The following CERS4 variants were observed in gnomAD, a reference collection of about 807,000 sequenced individuals.
The protein encoded by CERS4 is LAG1 homolog, ceramide synthase 4.
A neutral mutation model predicts 51.8 loss-of-function variants in CERS4; 65 were observed. The ratio of observed to expected loss-of-function variants is 1.26; its 90% confidence interval spans 1.03 to 1.54. The LOEUF is 1.54. Ranked by LOEUF, CERS4 falls within the 40% of genes most tolerant of loss-of-function variation. The probability of loss-of-function intolerance (pLI) is 0.00; values close to 1 mark genes in which losing one functional copy is unlikely to be tolerated. For missense variants in CERS4, 563 were observed against 500.4 expected (o/e 1.13, Z -1.19); for synonymous variants, 228 against 208.4 (o/e 1.09, Z -0.81).
intron 2 of CERS4, among the ~76,000 whole-genome samples, chr19:8,243,716 T>C (rs944097108): frequency 2.0e-5 from 3 of 151,532 alleles, no homozygotes; most frequent in Admixed American, 2.0e-4. Context: ...ATTCCATCCA[T>C]CTTCATGGAT....
chr19:8,251,261 C>T lies in CERS4; in HGVS notation c.173+12C>T. 1.3e-6 allele frequency: 2 copies of T among 1,576,042 alleles called. No individual in the cohort carries two copies. Among genetic ancestry groups the T allele is most frequent in the Non-Finnish European group, 1.7e-6 (2 of 1,162,008 alleles). ...CTTGCCTTTGAGAGGTGAGTGTCTG[C>T]CCTGCCGCAATCCATTGCCCCCGCA... is the stretch of plus-strand genomic sequence containing the variant. On this transcript the variant is annotated intron_variant, in intron 3 of 11. Transcript: ENST00000251363.
rs1203085415 is a variant in CERS4 at position 8,254,313 on chromosome 19, ACT to A, written c.174-183_174-182del. 5.7e-5 allele frequency among the ~76,000 whole-genome samples: 5 copies of A among 87,518 alleles called. No homozygotes were observed. The South Asian group carries it at 1.5e-3, about 27-fold the overall frequency. The allele number at this position is 87,518 out of a possible 152,430, so 57.4% of individuals were successfully genotyped here. ...ACTCCAGCCTGGGTGACAGTGCAAT[ACT>A]CTGTCTCAAAAAAAAAAAAAAAAAA... is the stretch of plus-strand genomic sequence containing the variant. On this transcript the variant is annotated intron_variant, in intron 3 of 11. Coordinates refer to ENST00000251363, the MANE Select transcript of CERS4 (RefSeq NM_024552.3).
At chr19:8,227,377 G>A (rs1228361620) in intron 2 of CERS4, among the ~76,000 whole-genome samples, 1 of 151,908 alleles carries the variant, frequency 6.6e-6, no homozygotes, top group East Asian at 1.9e-4. Context: ...TGTCACCCAG[G>A]CTGGAGTGCA....
intron 2 of CERS4, among the ~76,000 whole-genome samples, chr19:8,231,290 T>C (rs952519664): frequency 6.6e-6 from 1 of 152,182 alleles, no homozygotes; most frequent in African/African-American, 2.4e-5. Flanking sequence ...TTGTAGAGTC[T>C]CTGGATTCTG....
intron 2 of CERS4, among the ~76,000 whole-genome samples, chr19:8,232,121 C>T (rs1968038397): frequency 6.6e-6 from 1 of 151,634 alleles, no homozygotes; most frequent in African/African-American, 2.4e-5. Flanking sequence ...TGAGTTACGA[C>T]ACCCGGCCCT....
At chr19:8,257,312 C>T (rs1969447539) in intron 9 of CERS4, among the ~76,000 whole-genome samples, 1 of 152,140 alleles carries the variant, frequency 6.6e-6, no homozygotes, top group African/African-American at 2.4e-5. Flanking sequence ...GCAGAGGCCC[C>T]CGCCTTCTCA....
intron 2 of CERS4, among the ~76,000 whole-genome samples, chr19:8,237,814 G>A (rs1299831630): frequency 6.6e-6 from 1 of 152,144 alleles, no homozygotes; most frequent in Non-Finnish European, 1.5e-5. Context: ...TTGCGCCACT[G>A]CACACCAGCC....
intron 9 of CERS4, among the ~76,000 whole-genome samples, 195 bp from the exon 10 acceptor site, chr19:8,257,684 C>G (rs554358908): frequency 6.6e-6 from 1 of 152,338 alleles, no homozygotes; most frequent in African/African-American, 2.4e-5. Flanking sequence ...CCTGCCTCAG[C>G]CTCCCAAAGT....
intron 9 of CERS4, 59 bp from the exon 10 acceptor site, chr19:8,257,820 C>T (rs2145329466): frequency 2.2e-6 from 3 of 1,357,556 alleles, no homozygotes; most frequent in South Asian, 1.2e-5. Context: ...CCTATAGCAC[C>T]TTCTCTTTGA....
chr19:8,234,542 A>ATTTTT lies in CERS4; in HGVS notation c.-1-16510_-1-16506dup, dbSNP rs35971828. Among the ~76,000 whole-genome samples the ATTTTT allele has an allele frequency of 4.4e-4, 24 of 54,176 alleles. 6 individuals are homozygous for ATTTTT. In the East Asian group the frequency reaches 1.0e-2, roughly 23 times the overall value. The allele number at this position is 54,176 out of a possible 152,430, so 35.5% of individuals were successfully genotyped here. A position where few individuals can be genotyped will look rare whatever the true frequency, so the allele number is the denominator to read the frequency against. On this transcript the variant is annotated intron_variant, in intron 2 of 11. Transcript: ENST00000251363. ...CCCTTCCCCTGGCACCCACCATTCT[A>ATTTTT]TTTTTTTTTTTTTTTTTTTTTTTTT... is the stretch of plus-strand genomic sequence containing the variant.
At chr19:8,237,245 T>C (rs1003852668) in intron 2 of CERS4, among the ~76,000 whole-genome samples, 1 of 151,788 alleles carries the variant, frequency 6.6e-6, no homozygotes, top group Non-Finnish European at 1.5e-5. Flanking sequence ...CATGGGTGTG[T>C]ACATATGTCA....
rs533908921 is a variant in CERS4 at position 8,256,513 on chromosome 19, A to G, written c.520-105A>G. 20 of 1,155,544 alleles carry G rather than the reference A, an allele frequency of 1.7e-5. No homozygotes were observed. The East Asian group carries it at 4.1e-4, about 23-fold the overall frequency. 71.6% of individuals were successfully genotyped at this position (1,155,544 alleles called of 1,614,324 possible). ...AGGGATGGGGAGCTCACTCATTGGGATTCAAGTATCCTGGTTTTGAGCAAA... is the reference window on the plus strand; with the variant it reads ...AGGGATGGGGAGCTCACTCATTGGGGTTCAAGTATCCTGGTTTTGAGCAAA... On this transcript the variant is annotated intron_variant, in intron 7 of 11. Transcript: ENST00000251363.
intron 2 of CERS4, among the ~76,000 whole-genome samples, chr19:8,234,540 C>CTTTT (rs1479373433): frequency 3.9e-5 from 4 of 102,234 alleles, no homozygotes; most frequent in East Asian, 3.3e-4. Flanking sequence ...ACCCACCATT[C>CTTTT]TATTTTTTTT....
rs891437139 is a variant in CERS4, at chr19:8,215,163, G to A, written c.-2+4301G>A. 2.0e-5 allele frequency among the ~76,000 whole-genome samples: 3 copies of A among 152,076 alleles called. No homozygotes were observed. In the South Asian group the frequency reaches 6.2e-4, roughly 32 times the overall value. On this transcript the variant is annotated intron_variant, in intron 2 of 11. Transcript: ENST00000251363. ...GCAGGGATGGTAGCCTCGATCAGGGGCCTAGAGGACAAACAGCAAAAGCCA... is the reference window on the plus strand; with the variant it reads ...GCAGGGATGGTAGCCTCGATCAGGGACCTAGAGGACAAACAGCAAAAGCCA...
intron 2 of CERS4, among the ~76,000 whole-genome samples, chr19:8,238,240 C>T (rs1314149245): frequency 6.6e-6 from 1 of 152,142 alleles, no homozygotes; most frequent in Non-Finnish European, 1.5e-5. Context: ...GACTTGAATA[C>T]TCCAACCTCC....
chr19:8,212,904 T>A (rs1967138377), intron 2 of CERS4, among the ~76,000 whole-genome samples: 1 of 151,958 alleles, frequency 6.6e-6, no homozygotes, highest in Non-Finnish European at 1.5e-5. Flanking sequence ...TGCCTCGGCC[T>A]CCCAAAGTGC....
intron 3 of CERS4, among the ~76,000 whole-genome samples, chr19:8,253,477 G>C (rs1239637646): frequency 8.0e-6 from 1 of 125,252 alleles, no homozygotes; most frequent in Non-Finnish European, 1.6e-5. Context: ...TTTTTGGGGA[G>C]ACAGAGTCTT....
intron 2 of CERS4, among the ~76,000 whole-genome samples, chr19:8,225,464 C>T (rs1008906131): frequency 6.7e-6 from 1 of 150,214 alleles, no homozygotes; most frequent in African/African-American, 2.5e-5. Context: ...CTTGGCCCCC[C>T]AGGCTGGAGT....
chr19:8,228,419 A>G (rs1004309123), intron 2 of CERS4, among the ~76,000 whole-genome samples: 4 of 152,186 alleles, frequency 2.6e-5, no homozygotes, highest in African/African-American at 9.6e-5. Context: ...TCACACCTAT[A>G]ATCCCAGCAC....
Sources: gnomAD v4.1 joint callset for allele counts (sites outside exome capture counted in the v4.1 genomes callset) on GRCh38, gnomAD v4.1.1 for gene constraint, MANE v1.5 for transcripts, NCBI Gene and HGNC (gene_info 2026-07-23, HGNC 2026-07-21) for gene names.